The following SLIT1 variants were observed in gnomAD, a reference collection of about 807,000 sequenced individuals.
SLIT1 encodes slit homolog 1 protein.
In SLIT1, 66 loss-of-function variants were observed where a neutral mutation model predicts 186.1. That is an observed-to-expected ratio of 0.35 (90% CI 0.29 to 0.44). The LOEUF is 0.44. Ranked by LOEUF, SLIT1 falls within the 20% of genes least tolerant of loss-of-function variation. The pLI, the probability that SLIT1 is intolerant of heterozygous loss-of-function variation, is 1.00. For synonymous variants in SLIT1, 761 were observed against 833.8 expected, an observed-to-expected ratio of 0.91 and a Z score of 1.50; for missense variants, 1,638 against 2,037.4, an observed-to-expected ratio of 0.80 and a Z score of 3.77.
chr10:97,017,045 C>T (rs962812845), intron 28 of SLIT1, among the ~76,000 whole-genome samples: 12 of 152,180 alleles, frequency 7.9e-5, no homozygotes, highest in African/African-American at 2.9e-4. Flanking sequence ...TGAGGGGTAA[C>T]TCGTGGAGGC....
intron 13 of SLIT1, among the ~76,000 whole-genome samples, chr10:97,051,577 C>T (rs931809461): frequency 5.9e-5 from 9 of 151,974 alleles, no homozygotes; most frequent in Non-Finnish European, 1.3e-4. Flanking sequence ...TTTGTGAGGC[C>T]GAGGTGGGTG....
rs1366188794 is a variant in SLIT1, at chr10:97,021,219, C to T, written c.2746+31G>A. 1.9e-6 allele frequency: 3 copies of T among 1,602,934 alleles called. No homozygotes were observed. Among genetic ancestry groups the T allele is most frequent in the Non-Finnish European group, 2.6e-6 (3 of 1,174,128 alleles). ...GTGTTGGGCAAGTTCTGTGAGCCCC[C>T]AGCAGCAGGAGGCTGTGCTCCTAGG... On this transcript the variant is annotated intron_variant, in intron 26 of 36. Transcript: ENST00000266058. This position sits in a 1 kb window ranked among gnomAD's most constrained non-coding sequence, Gnocchi z 4.5.
chr10:97,053,600 C>T (rs973740730), intron 13 of SLIT1, among the ~76,000 whole-genome samples: 2 of 152,106 alleles, frequency 1.3e-5, no homozygotes, highest in African/African-American at 2.4e-5. Context: ...GGGATTACAG[C>T]GACAACAATG....
At chr10:97,174,760 C>G (rs879520333) in intron 1 of SLIT1, among the ~76,000 whole-genome samples, 2 of 152,024 alleles carry the variant, frequency 1.3e-5, no homozygotes, top group African/African-American at 2.4e-5. Context: ...GGCACTGAGG[C>G]CTAAAGAGTT....
intron 4 of SLIT1, among the ~76,000 whole-genome samples, chr10:97,104,030 G>A: frequency 6.6e-6 from 1 of 152,144 alleles, no homozygotes. Context: ...AAGGAACACA[G>A]CCCTGCCCCG....
At position 97,185,486 on chromosome 10, in the gene SLIT1, G is replaced by C. The variant is rs557413800; in HGVS notation, c.189C>G (p.Thr63=). 8 of 1,611,756 alleles carry C rather than the reference G, an allele frequency of 5.0e-6. No homozygotes were observed. In the South Asian group the frequency reaches 6.6e-5, roughly 13 times the overall value. The change falls in exon 1 of 37, where the codon ACC becomes ACG. Residue 63 remains threonine (T), a synonymous_variant. Coordinates refer to ENST00000266058, the MANE Select transcript of SLIT1 (RefSeq NM_003061.3). ...QAIPKNIPRN[T]ERLELNGNNI... ...GCGGGGACCATACTCACAGGCGCTCGGTGTTCCGAGGTATATTCTTGGGAA... is the reference window on the plus strand; with the variant it reads ...GCGGGGACCATACTCACAGGCGCTCCGTGTTCCGAGGTATATTCTTGGGAA...
At chr10:97,011,780 C>T (rs1392050201) in intron 30 of SLIT1, among the ~76,000 whole-genome samples, 1 of 152,154 alleles carries the variant, frequency 6.6e-6, no homozygotes, top group Non-Finnish European at 1.5e-5. Flanking sequence ...ACCTCCTGCT[C>T]CCCTGACACC....
chr10:97,027,962 C>T (rs1006407261), intron 25 of SLIT1, among the ~76,000 whole-genome samples: 69 of 152,088 alleles, frequency 4.5e-4, no homozygotes, highest in African/African-American at 1.6e-3. Context: ...GCTGAAAAGG[C>T]TAAGGTGGAC....
chr10:97,062,666 C>T (rs1021721105), intron 8 of SLIT1, among the ~76,000 whole-genome samples: 1 of 152,196 alleles, frequency 6.6e-6, no homozygotes, highest in African/African-American at 2.4e-5. Context: ...CTGGGGGCAC[C>T]TGCACCAGGA....
intron 13 of SLIT1, among the ~76,000 whole-genome samples, chr10:97,052,571 C>T (rs1206373156): frequency 6.6e-6 from 1 of 152,194 alleles, no homozygotes; most frequent in East Asian, 1.9e-4. Context: ...TGGAAATTTA[C>T]TAAAAATCAC....
At chr10:97,057,484 A>T (rs575010413) in intron 11 of SLIT1, among the ~76,000 whole-genome samples, 11 of 152,394 alleles carry the variant, frequency 7.2e-5, no homozygotes, top group African/African-American at 2.6e-4. Flanking sequence ...CTTGGCGTAA[A>T]GTGCCCTATG....
In SLIT1 at chr10:97,000,930, C is replaced by A. The variant is rs878981765; in HGVS notation, c.*182G>T. The A allele has an allele frequency of 1.7e-5, 10 of 601,426 alleles. No homozygotes were observed. In the Admixed American group the frequency reaches 2.1e-4, roughly 12 times the overall value. 37.3% of individuals were successfully genotyped at this position (601,426 alleles called of 1,614,324 possible). On this transcript the variant is annotated 3_prime_UTR_variant, in exon 37 of 37. Coordinates refer to ENST00000266058, the MANE Select transcript of SLIT1 (RefSeq NM_003061.3). ...TCAGGCCTCGCCCACCCCCGCTGCC[C>A]CCAGCTATGGCGCAATTTGCTTTTA...
At chr10:97,080,909 A>T (rs913079518) in intron 4 of SLIT1, among the ~76,000 whole-genome samples, 2 of 152,204 alleles carry the variant, frequency 1.3e-5, no homozygotes, top group African/African-American at 4.8e-5. Flanking sequence ...GCCCGGGCTT[A>T]TGGCCTGGTA....
At chr10:97,119,939 A>ATATG (rs1554852198) in intron 4 of SLIT1, among the ~76,000 whole-genome samples, 1 of 136,718 alleles carries the variant, frequency 7.3e-6, no homozygotes, top group Non-Finnish European at 1.6e-5. Context: ...ATATATATAT[A>ATATG]TATATATGTA....
chr10:97,088,665 T>C (rs1437883640), intron 4 of SLIT1, among the ~76,000 whole-genome samples: 1 of 152,224 alleles, frequency 6.6e-6, no homozygotes, highest in Non-Finnish European at 1.5e-5. Context: ...ATGTGTCATC[T>C]GTGTGGATGT....
At chr10:97,130,132 T>G (rs529727028) in intron 4 of SLIT1, among the ~76,000 whole-genome samples, 1 of 152,318 alleles carries the variant, frequency 6.6e-6, no homozygotes, top group East Asian at 1.9e-4. Context: ...ATGAACAAAA[T>G]TTCTAAATCC....
intron 4 of SLIT1, chr10:97,103,393 CCAG>C (rs1200261264): frequency 6.6e-6 from 1 of 152,242 alleles, no homozygotes; most frequent in Non-Finnish European, 1.5e-5. Flanking sequence ...ACTCTTTTTC[CCAG>C]CAGCAGCTTC....
At position 97,006,505 on chromosome 10, in the gene SLIT1, G is replaced by A; in HGVS notation, c.3557C>T (p.Pro1186Leu). ...YLQFTDLQNW[P>L]RANITLQVST... is the part of the protein sequence containing the mutation. ...CACCTGCAACGTGATGTTGGCCCGT[G>A]GCCAGTTTTGCAGGTCAGTGAACTG... Residue 1186 changes from proline to leucine, a missense_variant, in exon 32 of 37, where the codon CCA (proline) becomes CTA (leucine). This residue lies in a region of SLIT1 where 173 missense variants were observed against 290.9 expected (regional missense o/e 0.59). Transcript: ENST00000266058. The surrounding 1 kb of genome is among the most constrained non-coding windows in gnomAD (Gnocchi z 4.0). 6.2e-7 allele frequency: 1 copy of A among 1,613,818 alleles called. No individual in the cohort carries two copies. Among genetic ancestry groups the A allele is most frequent in the Non-Finnish European group, 8.5e-7 (1 of 1,179,754 alleles).
intron 4 of SLIT1, chr10:97,103,804 G>A (rs12770870): frequency 0.11 from 16,830 of 152,176 alleles, 1,020 homozygotes; most frequent in Middle Eastern, 0.18. Flanking sequence ...GTGGTTACAC[G>A]GTAGGGTCAG....
Sources: gnomAD v4.1 joint callset for allele counts (sites outside exome capture counted in the v4.1 genomes callset) on GRCh38, gnomAD v4.1.1 for gene constraint, gnomAD v4.1.1 regional missense constraint, Gnocchi (gnomAD v3.1) non-coding constraint, MANE v1.5 for transcripts, NCBI Gene and HGNC (gene_info 2026-07-23, HGNC 2026-07-21) for gene names.